The following YME1L1 variants were observed in gnomAD, a reference collection of about 807,000 sequenced individuals.
YME1L1 encodes YME1 like 1 ATPase.
Under a neutral mutation model 90.4 loss-of-function variants are expected in YME1L1, and 39 were observed. That is an observed-to-expected ratio of 0.43 (90% CI 0.33 to 0.56). The LOEUF is 0.56. YME1L1 is among the 20% of genes least tolerant of loss of function. The pLI is 0.03. For synonymous variants in YME1L1, 284 were observed against 287.3 expected (o/e 0.99, Z 0.12); for missense variants, 617 against 868.4 (o/e 0.71, Z 3.64).
At chr10:27,144,167 T>C (rs2057118617) in intron 3 of YME1L1, among the ~76,000 whole-genome samples, 2 of 152,186 alleles carry the variant, frequency 1.3e-5, no homozygotes, top group African/African-American at 4.8e-5. Flanking sequence ...TAAATGTAAA[T>C]ATGCAGACTA....
In YME1L1 at chr10:27,136,281, C is replaced by T. The variant is rs199840538; in HGVS notation, c.535G>A (p.Val179Met). 4.4e-5 allele frequency: 71 copies of T among 1,610,568 alleles called. No individual in the cohort carries two copies. In the East Asian group the frequency reaches 9.6e-4, roughly 22 times the overall value. The change falls in exon 5 of 19, where the codon GTG (valine) becomes ATG (methionine). Residue 179 changes from valine to methionine, a missense_variant. Val to Met is a conservative substitution (Grantham distance 21, BLOSUM62 1). Coordinates refer to ENST00000376016, the MANE Select transcript of YME1L1 (RefSeq NM_014263.4). ...TCATAAAAAGGTCTAATTACCTTCA[C>T]GAATGATGGCGCTATATTCTGTGTT... ...AETQNIAPSF[V>M]KGFLLRDRGS...
At chr10:27,125,345 G>C (rs7909444) in intron 9 of YME1L1, among the ~76,000 whole-genome samples, 33,905 of 146,908 alleles carry the variant, frequency 0.23, 4,075 homozygotes, top group East Asian at 0.42. Context: ...GCTAAACTGA[G>C]AACATTCTAT....
At chr10:27,145,827 G>C in intron 2 of YME1L1, 1 of 291,486 alleles carries the variant, frequency 3.4e-6, no homozygotes, top group East Asian at 6.3e-5. Flanking sequence ...CTTAAATAAA[G>C]AGATGACATT....
chr10:27,145,295 A>C (rs1395110533), intron 3 of YME1L1, 133 bp downstream of exon 3: 1 of 776,080 alleles, frequency 1.3e-6, no homozygotes. Context: ...ATTGCAAAAA[A>C]AAAAACAAAA....
intron 12 of YME1L1, 108 bp from the exon 13 acceptor site, chr10:27,120,655 G>T: frequency 1.4e-6 from 1 of 740,628 alleles, no homozygotes; most frequent in Non-Finnish European, 2.2e-6. Flanking sequence ...CAGCCAGAGC[G>T]CAGATGGAGT....
At chr10:27,126,231 C>T (rs1403785856) in intron 9 of YME1L1, among the ~76,000 whole-genome samples, 1 of 151,858 alleles carries the variant, frequency 6.6e-6, no homozygotes, top group Non-Finnish European at 1.5e-5. Context: ...TCGCTTGAGC[C>T]CAGGAGTTCA....
At position 27,123,553 on chromosome 10, in the gene YME1L1, G is replaced by T. The variant is rs750832769; in HGVS notation, c.1096C>A (p.Leu366Ile). Residue 366 changes from leucine to isoleucine, a missense_variant, in exon 10 of 19, where the codon CTT becomes ATT. Coordinates refer to ENST00000376016, the MANE Select transcript of YME1L1 (RefSeq NM_014263.4). ...AAGATACACCAAAACGTACTAAAAAGATTTCTGATACGGCTGGCTCCCACA... is the reference window on the plus strand; with the variant it reads ...AAGATACACCAAAACGTACTAAAAATATTTCTGATACGGCTGGCTCCCACA... ...VGVGASRIRN[L>I]FREAKANAPC... 1.3e-5 allele frequency: 21 copies of T among 1,613,472 alleles called. No homozygotes were observed. The highest frequency in any genetic ancestry group is 1.8e-5 in the Non-Finnish European group (21 of 1,179,676).
At chr10:27,112,491 T>G (rs1254851614) in intron 18 of YME1L1, among the ~76,000 whole-genome samples, 1 of 152,212 alleles carries the variant, frequency 6.6e-6, no homozygotes, top group African/African-American at 2.4e-5. Flanking sequence ...TATTTGTTCA[T>G]GTTTACCCTA....
Position 27,116,349 on chromosome 10 carries a change from G to A in YME1L1, c.1720-4C>T, listed in dbSNP as rs1304792095. The A allele has an allele frequency of 5.0e-6, 8 of 1,612,678 alleles. No homozygotes were observed. The highest frequency in any genetic ancestry group is 1.1e-5 in the South Asian group (1 of 90,892). On this transcript the variant is annotated splice_polypyrimidine_tract_variant and splice_region_variant and intron_variant, in intron 15 of 18. Transcript: ENST00000376016. ...CATTCTCAGGTAACAGGGACACCTA[G>A]ACAATTAAAAATTAATCAGATAAAA...
intron 17 of YME1L1, 36 bp downstream of exon 17, chr10:27,116,024 A>AT: frequency 6.4e-7 from 1 of 1,565,540 alleles, no homozygotes; most frequent in Non-Finnish European, 8.8e-7. Flanking sequence ...TTGACACATA[A>AT]TTTGATACAT....
rs771359457 is a variant in YME1L1, at chr10:27,120,509, G to A, written c.1337C>T (p.Thr446Ile). The A allele has an allele frequency of 6.2e-7, 1 of 1,613,480 alleles. No individual in the cohort carries two copies. The highest frequency in any genetic ancestry group is 2.2e-5 in the East Asian group (1 of 44,854). ...IRPGRFDMQV[T>I]VPRPDVKGRT... ...ACCTTTTACATCTGGCCTTGGAACT[G>A]TAACTTGCATGTCAAAACGACCAGG... The change falls in exon 13 of 19, where the codon ACA (threonine) becomes ATA (isoleucine). Residue 446 changes from threonine to isoleucine, a missense_variant. Around this residue, in one of 4 missense-constraint regions of YME1L1, gnomAD observed 212 missense variants for 330.0 expected, o/e 0.64. Coordinates refer to ENST00000376016, the MANE Select transcript of YME1L1 (RefSeq NM_014263.4).
intron 3 of YME1L1, among the ~76,000 whole-genome samples, chr10:27,143,262 AGGAGGC>A (rs1454375717): frequency 6.6e-6 from 1 of 151,740 alleles, no homozygotes; most frequent in East Asian, 2.0e-4. Flanking sequence ...TCAGCTACTC[AGGAGGC>A]TGAGGCAGGA....
chr10:27,153,193 T>C (rs1279890298), intron 1 of YME1L1: 1 of 470,758 alleles, frequency 2.1e-6, no homozygotes, highest in Non-Finnish European at 4.4e-6. Flanking sequence ...TTCATATCAA[T>C]ATTAAGAGAA....
chr10:27,146,716 T>C (rs1669339103), intron 2 of YME1L1: 1 of 152,234 alleles, frequency 6.6e-6, no homozygotes, highest in Non-Finnish European at 1.5e-5. Flanking sequence ...GGAGACCCTG[T>C]CTCTAAAAAT....
chr10:27,132,390 C>T (rs751858149), intron 7 of YME1L1, among the ~76,000 whole-genome samples: 1 of 151,976 alleles, frequency 6.6e-6, no homozygotes, highest in Non-Finnish European at 1.5e-5. Context: ...TGAGCCACTA[C>T]GCCCGGCTGG....
At chr10:27,118,815 T>A (rs1405795660) in intron 14 of YME1L1, among the ~76,000 whole-genome samples, 1 of 152,220 alleles carries the variant, frequency 6.6e-6, no homozygotes, top group Admixed American at 6.5e-5. Context: ...AGTATCCTTT[T>A]TCGCAGCAAT....
chr10:27,136,152 C>T (rs1440733264), intron 5 of YME1L1, 124 bp downstream of exon 5: 2 of 758,530 alleles, frequency 2.6e-6, no homozygotes, highest in Non-Finnish European at 4.3e-6. Flanking sequence ...GGTTACTAAT[C>T]CCTTATTATT....
At position 27,123,691 on chromosome 10, in the gene YME1L1, A is replaced by G. The variant is rs2056889050; in HGVS notation, c.958T>C (p.Leu320=). 1.9e-6 allele frequency: 3 copies of G among 1,595,184 alleles called. No homozygotes were observed. The highest frequency in any genetic ancestry group is 2.7e-5 in the African/African-American group (2 of 73,596). ...TTTCCAGTCCCTGGGGGTCCAACTA[A>G]AAGAATTCCTAAAAGAAAATGAAAA... The part of the protein sequence containing the change: ...LGGKLPKGIL[L]VGPPGTGKTL... Residue 320 remains leucine (L), a synonymous_variant, in exon 10 of 19, where the codon TTA becomes CTA. Transcript: ENST00000376016.
chr10:27,110,551 G>C lies in YME1L1; in HGVS notation c.*1426C>G, dbSNP rs2056749471. 1 of 152,028 alleles carries C rather than the reference G, an allele frequency of 6.6e-6. No individual in the cohort carries two copies. The highest frequency in any genetic ancestry group is 2.4e-5 in the African/African-American group (1 of 41,384). The allele number at this position is 152,028 out of a possible 1,614,324, so 9.4% of individuals were successfully genotyped here. ...TGTGTTCTAAAATAATTTTTCTATT[G>C]AGTTAAATATTCATCTGTAGATCCT... On this transcript the variant is annotated 3_prime_UTR_variant, in exon 19 of 19. Coordinates refer to ENST00000376016, the MANE Select transcript of YME1L1 (RefSeq NM_014263.4).
Sources: gnomAD v4.1 joint callset for allele counts (sites outside exome capture counted in the v4.1 genomes callset) on GRCh38, gnomAD v4.1.1 for gene constraint, gnomAD v4.1.1 regional missense constraint, MANE v1.5 for transcripts, NCBI Gene and HGNC (gene_info 2026-07-23, HGNC 2026-07-21) for gene names.